Variants in ZNRF1 observed in about 807,000 individuals in gnomAD.
ZNRF1 encodes the protein E3 ubiquitin-protein ligase ZNRF1.
Under a neutral mutation model 18.4 loss-of-function variants are expected in ZNRF1, and 3 were observed. The observed-to-expected ratio is 0.16, with a 90% CI of 0.07 to 0.42. ZNRF1 has a LOEUF of 0.42. Among genes scored for constraint, ZNRF1 ranks in the 10% least tolerant of loss-of-function variants. The probability of loss-of-function intolerance (pLI) is 0.99; values close to 1 mark genes in which losing one functional copy is unlikely to be tolerated. For missense variants in ZNRF1, 310 were observed against 329.8 expected, an observed-to-expected ratio of 0.94 and a Z score of 0.47; for synonymous variants, 157 against 144.2, an observed-to-expected ratio of 1.09 and a Z score of -0.64.
At chr16:75,066,495 A>C (rs2035805896) in intron 1 of ZNRF1, among the ~76,000 whole-genome samples, 1 of 152,176 alleles carries the variant, frequency 6.6e-6, no homozygotes. Flanking sequence ...ATCTACAGCA[A>C]ACATTATATT....
intron 1 of ZNRF1, among the ~76,000 whole-genome samples, chr16:75,021,294 C>T (rs1374193095): frequency 6.6e-6 from 1 of 152,210 alleles, no homozygotes; most frequent in East Asian, 1.9e-4. Context: ...CTGCCTCGGC[C>T]TCCCACGATG....
In ZNRF1 at chr16:75,000,245, C is replaced by T. The variant is rs773741062; in HGVS notation, c.424+150C>T. 80 of 1,139,320 alleles carry T rather than the reference C, an allele frequency of 7.0e-5. No homozygotes were observed. The South Asian group carries it at 9.4e-4, about 13-fold the overall frequency. The allele number at this position is 1,139,320 out of a possible 1,614,324, so 70.6% of individuals were successfully genotyped here. A position where few individuals can be genotyped will look rare whatever the true frequency, so the allele number is the denominator to read the frequency against. ...CCGATGCCAAGGGATAAATGGGATA[C>T]CTACCGTCTGGAAACTAGGCTTTCT... On this transcript the variant is annotated intron_variant, in intron 1 of 4. Coordinates refer to ENST00000335325, the MANE Select transcript of ZNRF1 (RefSeq NM_032268.5).
chr16:75,034,268 A>G (rs1454059421), intron 1 of ZNRF1, among the ~76,000 whole-genome samples: 2 of 152,214 alleles, frequency 1.3e-5, no homozygotes, highest in East Asian at 1.9e-4. Flanking sequence ...CATCTTGCCA[A>G]ACTATAACTC....
chr16:75,047,945 GTCC>G (rs1017897696), intron 1 of ZNRF1, among the ~76,000 whole-genome samples: 2 of 143,410 alleles, frequency 1.4e-5, no homozygotes, highest in African/African-American at 5.1e-5. Context: ...ATGTGTCTGT[GTCC>G]TCATCATTCT....
intron 1 of ZNRF1, among the ~76,000 whole-genome samples, chr16:75,008,290 T>C (rs2034949932): frequency 6.6e-6 from 1 of 152,214 alleles, no homozygotes; most frequent in Non-Finnish European, 1.5e-5. Context: ...TTCTTTTACA[T>C]GGGACTAAGC....
intron 1 of ZNRF1, among the ~76,000 whole-genome samples, chr16:75,045,579 GTTT>G (rs1555511529): frequency 7.9e-6 from 1 of 127,146 alleles, no homozygotes; most frequent in Non-Finnish European, 1.7e-5. Context: ...TTGTTTGTTT[GTTT>G]TTTAAGAGAC....
At chr16:75,098,967 G>C (rs62059203) in intron 2 of ZNRF1, among the ~76,000 whole-genome samples, 14,058 of 152,180 alleles carry the variant, frequency 0.092, 799 homozygotes, top group African/African-American at 0.15. Flanking sequence ...GCAGGTGTGT[G>C]TCTCTCCTGT....
intron 1 of ZNRF1, among the ~76,000 whole-genome samples, chr16:75,041,667 A>T (rs1243710746): frequency 6.6e-6 from 1 of 152,022 alleles, no homozygotes; most frequent in Non-Finnish European, 1.5e-5. Context: ...TTAGCTAGTG[A>T]TGATCCCTTT....
At chr16:75,097,245 G>A (rs2036210559) in intron 2 of ZNRF1, among the ~76,000 whole-genome samples, 2 of 152,166 alleles carry the variant, frequency 1.3e-5, no homozygotes, top group African/African-American at 2.4e-5. Context: ...GGAGGTGGGG[G>A]TCTGATTGGT....
intron 1 of ZNRF1, among the ~76,000 whole-genome samples, chr16:75,063,257 C>G (rs574871883): frequency 1.3e-5 from 2 of 152,310 alleles, no homozygotes; most frequent in South Asian, 4.1e-4. Flanking sequence ...CTCTGGAAAG[C>G]CCCAGGTCAT....
intron 1 of ZNRF1, among the ~76,000 whole-genome samples, chr16:75,066,110 A>C (rs543084462): frequency 8.3e-4 from 126 of 152,326 alleles, no homozygotes; most frequent in Non-Finnish European, 1.6e-3. Flanking sequence ...TCAAGGGTAG[A>C]GACAAGAGTT....
chr16:75,053,012 A>C (rs188023597), intron 1 of ZNRF1, among the ~76,000 whole-genome samples: 20 of 152,298 alleles, frequency 1.3e-4, no homozygotes, highest in Admixed American at 6.5e-4. Context: ...ACTTAGCTCC[A>C]TGGGGCCTCT....
intron 1 of ZNRF1, among the ~76,000 whole-genome samples, chr16:75,039,125 G>T (rs2035409739): frequency 6.6e-6 from 1 of 152,114 alleles, no homozygotes; most frequent in African/African-American, 2.4e-5. Flanking sequence ...AGTTCCTATA[G>T]ATCTAACAAT....
At chr16:75,097,041 G>C (rs2036208484) in intron 2 of ZNRF1, among the ~76,000 whole-genome samples, 1 of 152,164 alleles carries the variant, frequency 6.6e-6, no homozygotes, top group Non-Finnish European at 1.5e-5. Context: ...TTCCTGGAAG[G>C]TGAGGATACT....
At chr16:75,077,542 C>G (rs1376758418) in intron 1 of ZNRF1, among the ~76,000 whole-genome samples, 2 of 151,968 alleles carry the variant, frequency 1.3e-5, no homozygotes, top group Admixed American at 6.5e-5. Flanking sequence ...AAAAAACAAA[C>G]AAAAAAAGAG....
At chr16:75,054,754 T>C (rs776199600) in intron 1 of ZNRF1, among the ~76,000 whole-genome samples, 6 of 152,370 alleles carry the variant, frequency 3.9e-5, no homozygotes, top group East Asian at 1.9e-4. Flanking sequence ...TCCTGGGAGA[T>C]TGGCCTTACC....
At chr16:75,079,344 G>T (rs1389263386) in intron 1 of ZNRF1, among the ~76,000 whole-genome samples, 2 of 152,188 alleles carry the variant, frequency 1.3e-5, no homozygotes, top group Non-Finnish European at 2.9e-5. Context: ...GCTGGGCATG[G>T]TGGCACACGC....
intron 1 of ZNRF1, among the ~76,000 whole-genome samples, chr16:75,006,522 A>G (rs1159155428): frequency 6.6e-6 from 1 of 152,092 alleles, no homozygotes. Flanking sequence ...TGCAACGTCC[A>G]CTTCCCGGGT....
intron 1 of ZNRF1, among the ~76,000 whole-genome samples, chr16:75,010,902 G>C (rs568656379): frequency 6.6e-6 from 1 of 152,046 alleles, no homozygotes; most frequent in East Asian, 1.9e-4. Flanking sequence ...TAGAGATGGG[G>C]TTTCGCCAAT....
Sources: gnomAD v4.1 joint callset for allele counts (sites outside exome capture counted in the v4.1 genomes callset) on GRCh38, gnomAD v4.1.1 for gene constraint, MANE v1.5 for transcripts, NCBI Gene and HGNC (gene_info 2026-07-23, HGNC 2026-07-21) for gene names.